The following BBS9 variants were observed in gnomAD, a reference collection of about 807,000 sequenced individuals.
BBS9 encodes the protein protein PTHB1.
BBS9 carries 89 observed loss-of-function variants against 117.7 expected under a neutral mutation model. The ratio of observed to expected loss-of-function variants is 0.76; its 90% CI spans 0.64 to 0.90. BBS9 has a LOEUF of 0.90. BBS9 is among the 40% of genes least tolerant of loss of function. The pLI is 0.00. For missense variants in BBS9, 982 were observed against 1,042.2 expected (o/e 0.94, Z 0.80); for synonymous variants, 379 against 370.9 (o/e 1.02, Z -0.25).
At chr7:33,172,470 C>G (rs1454197669) in intron 4 of BBS9, among the ~76,000 whole-genome samples, 3 of 152,046 alleles carry the variant, frequency 2.0e-5, no homozygotes, top group Non-Finnish European at 4.4e-5. Context: ...TCCAGAGGCT[C>G]TAAACCAAAA....
At chr7:33,499,084 GAA>G (rs1049289510) in intron 19 of BBS9, among the ~76,000 whole-genome samples, 2 of 152,072 alleles carry the variant, frequency 1.3e-5, no homozygotes, top group African/African-American at 4.8e-5. Flanking sequence ...ATTAGCCAAA[GAA>G]AAATATTCAT....
chr7:33,572,882 T>G (rs758858654), intron 21 of BBS9, among the ~76,000 whole-genome samples: 5 of 152,094 alleles, frequency 3.3e-5, no homozygotes, highest in Non-Finnish European at 7.4e-5. Flanking sequence ...AATATAGGAT[T>G]GATGGATTCA....
At chr7:33,504,234 T>C (rs993994541) in intron 19 of BBS9, among the ~76,000 whole-genome samples, 2 of 152,272 alleles carry the variant, frequency 1.3e-5, no homozygotes, top group South Asian at 4.1e-4. Flanking sequence ...GAATTGTCAT[T>C]GCCTTTTATA....
chr7:33,331,623 G>C (rs183021615), intron 9 of BBS9, among the ~76,000 whole-genome samples: 27 of 138,704 alleles, frequency 1.9e-4, no homozygotes, highest in Admixed American at 1.8e-3. Context: ...CAACAAAACT[G>C]ACAATCAAAT....
chr7:33,318,438 A>G (rs1469959999), intron 9 of BBS9, among the ~76,000 whole-genome samples: 4 of 152,062 alleles, frequency 2.6e-5, no homozygotes, highest in Non-Finnish European at 5.9e-5. Flanking sequence ...ACTTTTTCAG[A>G]CAGTGAGGTC....
intron 1 of BBS9, among the ~76,000 whole-genome samples, chr7:33,142,145 TCTC>T (rs1193010474): frequency 6.6e-6 from 1 of 152,112 alleles, no homozygotes; most frequent in Non-Finnish European, 1.5e-5. Context: ...ATGGTTTTGA[TCTC>T]CTGACCTCGT....
At chr7:33,573,912 G>A (rs1333969177) in intron 21 of BBS9, among the ~76,000 whole-genome samples, 1 of 152,080 alleles carries the variant, frequency 6.6e-6, no homozygotes, top group African/African-American at 2.4e-5. Context: ...TTTGCACCTA[G>A]CTTGGGGTTT....
intron 5 of BBS9, among the ~76,000 whole-genome samples, chr7:33,254,012 G>T (rs1796632886): frequency 2.0e-5 from 3 of 152,146 alleles, no homozygotes. Flanking sequence ...TGCAAAAAAA[G>T]AGCTATACCA....
At chr7:33,295,851 A>C (rs1805149937) in intron 9 of BBS9, among the ~76,000 whole-genome samples, 1 of 152,068 alleles carries the variant, frequency 6.6e-6, no homozygotes, top group Admixed American at 6.5e-5. Flanking sequence ...TTAAGTTACA[A>C]ATTGACACCA....
chr7:33,622,713 A>G (rs1022304897), intron 21 of BBS9, among the ~76,000 whole-genome samples: 18 of 152,214 alleles, frequency 1.2e-4, no homozygotes, highest in African/African-American at 4.3e-4. Flanking sequence ...AAGCTAAAAC[A>G]TAGTATGGAA....
chr7:33,330,044 C>T (rs1813697512), intron 9 of BBS9, among the ~76,000 whole-genome samples: 2 of 151,504 alleles, frequency 1.3e-5, no homozygotes, highest in Admixed American at 6.6e-5. Flanking sequence ...GACAGAGTCT[C>T]GCTCTGTCGC....
intron 19 of BBS9, among the ~76,000 whole-genome samples, chr7:33,429,636 T>C (rs1834144966): frequency 6.6e-6 from 1 of 152,180 alleles, no homozygotes; most frequent in Non-Finnish European, 1.5e-5. Context: ...GGGTTAATAA[T>C]ACTTACTTTT....
intron 5 of BBS9, among the ~76,000 whole-genome samples, chr7:33,240,836 C>T (rs377609816): frequency 4.6e-5 from 7 of 152,146 alleles, no homozygotes; most frequent in African/African-American, 1.4e-4. Flanking sequence ...TAGATCTTCT[C>T]TGTCTCTTTC....
chr7:33,510,705 T>A (rs993846009), intron 20 of BBS9, among the ~76,000 whole-genome samples: 4 of 152,198 alleles, frequency 2.6e-5, no homozygotes, highest in Admixed American at 1.3e-4. Context: ...AAGAACACAC[T>A]GGCTGTATTT....
intron 9 of BBS9, among the ~76,000 whole-genome samples, chr7:33,302,952 A>G (rs1806816492): frequency 1.3e-5 from 2 of 152,066 alleles, no homozygotes; most frequent in South Asian, 2.1e-4. Flanking sequence ...TTCTTGCATC[A>G]ATGTTTTATA....
At chr7:33,138,193 G>A (rs974422927) in intron 1 of BBS9, among the ~76,000 whole-genome samples, 2 of 151,612 alleles carry the variant, frequency 1.3e-5, no homozygotes, top group Non-Finnish European at 2.9e-5. Flanking sequence ...GCTGTGTGAG[G>A]TATGGGAATC....
intron 10 of BBS9, among the ~76,000 whole-genome samples, chr7:33,338,209 TG>T (rs1195485199): frequency 1.3e-5 from 2 of 152,132 alleles, no homozygotes; most frequent in African/African-American, 4.8e-5. Context: ...GTTTTATTTC[TG>T]GGAAAGAAAC....
At chr7:33,293,390 C>T (rs184208852) in intron 9 of BBS9, among the ~76,000 whole-genome samples, 92 of 151,588 alleles carry the variant, frequency 6.1e-4, no homozygotes, top group Middle Eastern at 6.8e-3. Context: ...CTCACAGACA[C>T]GGAAAAAAGG....
intron 5 of BBS9, among the ~76,000 whole-genome samples, chr7:33,190,122 T>C (rs1402321251): frequency 6.9e-6 from 1 of 144,326 alleles, no homozygotes; most frequent in Admixed American, 6.8e-5. Context: ...ATGGGGATTT[T>C]TTTTTTTTTT....
Sources: gnomAD v4.1 joint callset for allele counts (sites outside exome capture counted in the v4.1 genomes callset) on GRCh38, gnomAD v4.1.1 for gene constraint, MANE v1.5 for transcripts, NCBI Gene and HGNC (gene_info 2026-07-23, HGNC 2026-07-21) for gene names.